Variants in ZBED6 observed in about 807,000 individuals in gnomAD.
ZBED6 encodes the protein zinc finger BED domain-containing protein 6.
Under a neutral mutation model 58.4 loss-of-function variants are expected in ZBED6, and 40 were observed. That is an observed-to-expected ratio of 0.68 (90% confidence interval 0.53 to 0.89). The LOEUF is 0.89. Ranked by LOEUF, ZBED6 falls within the 40% of genes least tolerant of loss-of-function variation. The pLI is 0.00. For missense variants in ZBED6, 1,057 were observed against 1,003.9 expected, an observed-to-expected ratio of 1.05 and a Z score of -0.71; for synonymous variants, 439 against 350.6, an observed-to-expected ratio of 1.25 and a Z score of -2.82.
intron 11 of ZBED6, among the ~76,000 whole-genome samples, chr1:203,844,305 G>C (rs953844650): frequency 6.6e-6 from 1 of 152,128 alleles, no homozygotes; most frequent in Non-Finnish European, 1.5e-5. Context: ...GGGATTACAG[G>C]CATGTGCAAT....
At position 203,806,528 on chromosome 1, in the gene ZBED6, C is replaced by G. The variant is rs542448138; in HGVS notation, c.*2554+3512C>G. On this transcript the variant is annotated intron_variant, in intron 1 of 16. Transcript: ENST00000550078. ...ATGTTGGCCAGGCTGGTCTTGAGCT[C>G]CTGGACTCAAGTGATCAGCCCACCT... Among the ~76,000 whole-genome samples, 32 of 152,242 alleles carry G rather than the reference C, an allele frequency of 2.1e-4. 1 individual carries two copies. Among genetic ancestry groups the G allele is most frequent in the Admixed American group, 3.9e-4 (6 of 15,298 alleles).
exon 1 of ZBED6, chr1:203,797,434 T>C: frequency 1.6e-6 from 2 of 1,238,288 alleles, no homozygotes; most frequent in Non-Finnish European, 2.1e-6. Context: ...GGAGAAAAGG[T>C]AATGCAAGTA....
chr1:203,828,684 A>T (rs1681329449), intron 4 of ZBED6, among the ~76,000 whole-genome samples: 1 of 152,224 alleles, frequency 6.6e-6, no homozygotes, highest in African/African-American at 2.4e-5. Flanking sequence ...AACGTTTTCA[A>T]AATAAATTTG....
At position 203,819,529 on chromosome 1, in the gene ZBED6, A is replaced by ATTTTTTTTTTTTTTTTT. The variant is rs755259647; in HGVS notation, c.*2873+846_*2873+862dup. Among the ~76,000 whole-genome samples the ATTTTTTTTTTTTTTTTT allele has an allele frequency of 1.6e-4, 12 of 72,878 alleles. 1 individual carries two copies. Among genetic ancestry groups the ATTTTTTTTTTTTTTTTT allele is most frequent in the African/African-American group, 4.6e-4 (8 of 17,410 alleles). 47.8% of individuals were successfully genotyped at this position (72,878 alleles called of 152,430 possible). A position where few individuals can be genotyped will look rare whatever the true frequency, so the allele number is the denominator to read the frequency against. The stretch of plus-strand genomic sequence containing the variant: ...GAGCCACCGTGCCCAGCTGACTCCA[A>ATTTTTTTTTTTTTTTTT]TTTTTTTTTTTTTTTTTTTTTTGAG... On this transcript the variant is annotated intron_variant, in intron 3 of 16. Coordinates refer to ENST00000550078, the Ensembl canonical transcript of ZBED6.
At chr1:203,842,608 G>A (rs1266066773) in intron 11 of ZBED6, among the ~76,000 whole-genome samples, 2 of 148,858 alleles carry the variant, frequency 1.3e-5, no homozygotes, top group African/African-American at 2.5e-5. Context: ...GGGGAGAGGG[G>A]GAGGGGGAGG....
chr1:203,850,004 G>C, exon 14 of ZBED6: 1 of 1,613,710 alleles, frequency 6.2e-7, no homozygotes, highest in Non-Finnish European at 8.5e-7. Flanking sequence ...GTGCAGCACA[G>C]ACCTTGGAAA....
At chr1:203,833,379 A>G (rs796517608) in intron 8 of ZBED6, among the ~76,000 whole-genome samples, 1 of 145,676 alleles carries the variant, frequency 6.9e-6, no homozygotes, top group African/African-American at 2.5e-5. Context: ...AAAAAAAAAA[A>G]AAAAACACCA....
chr1:203,797,893 A>G, exon 1 of ZBED6: 1 of 1,536,136 alleles, frequency 6.5e-7, no homozygotes, highest in Non-Finnish European at 8.7e-7. Flanking sequence ...AAACAGATCT[A>G]TCTACCTAGT....
chr1:203,801,817 ATT>A (rs34997581), exon 1 of ZBED6: 45,920 of 148,896 alleles, frequency 0.31, 7,646 homozygotes, highest in East Asian at 0.48. Flanking sequence ...TTTGGTTTTG[ATT>A]TTTTTTTTTT....
chr1:203,836,499 C>T (rs1207307662), intron 9 of ZBED6, among the ~76,000 whole-genome samples: 2 of 152,208 alleles, frequency 1.3e-5, no homozygotes, highest in Non-Finnish European at 2.9e-5. Flanking sequence ...CCTGTAATCC[C>T]AGCACTTTGA....
chr1:203,837,814 A>G (rs1408410773), intron 9 of ZBED6, 152 bp from the exon 10 acceptor site: 3 of 706,996 alleles, frequency 4.2e-6, no homozygotes, highest in Non-Finnish European at 7.0e-6. Flanking sequence ...TTATGTTTCT[A>G]ACATTGAACT....
intron 13 of ZBED6, 96 bp from the exon 14 acceptor site, chr1:203,849,615 G>A: frequency 8.6e-7 from 1 of 1,166,722 alleles, no homozygotes; most frequent in South Asian, 1.4e-5. Flanking sequence ...TGGATCATGT[G>A]AGATTCTGCT....
chr1:203,848,941 G>A (rs1361472039), intron 13 of ZBED6, among the ~76,000 whole-genome samples: 1 of 152,174 alleles, frequency 6.6e-6, no homozygotes, highest in Non-Finnish European at 1.5e-5. Context: ...CTGGAGTGCA[G>A]TGGCATGATC....
exon 1 of ZBED6, chr1:203,802,861 A>T (rs1012492541): frequency 6.6e-6 from 1 of 152,474 alleles, no homozygotes; most frequent in Non-Finnish European, 1.5e-5. Flanking sequence ...CTGTGTTTGA[A>T]TTGTGGCTGA....
At chr1:203,829,998 C>T (rs752554966) in intron 6 of ZBED6, 102 bp downstream of exon 6, 35 of 1,312,872 alleles carry the variant, frequency 2.7e-5, no homozygotes, top group African/African-American at 4.4e-5. Context: ...CCATGCTACA[C>T]GCATACTTAC....
intron 9 of ZBED6, among the ~76,000 whole-genome samples, chr1:203,834,781 C>G (rs1001381705): frequency 6.6e-6 from 1 of 152,156 alleles, no homozygotes; most frequent in Admixed American, 6.5e-5. Flanking sequence ...TCTCAAGTAG[C>G]TGGGATTACA....
At chr1:203,812,926 A>G (rs1054300381) in intron 1 of ZBED6, among the ~76,000 whole-genome samples, 1 of 152,170 alleles carries the variant, frequency 6.6e-6, no homozygotes, top group Non-Finnish European at 1.5e-5. Context: ...CTAATGATGC[A>G]TGATGTTGGG....
At chr1:203,846,012 C>T (rs549367936) in intron 11 of ZBED6, among the ~76,000 whole-genome samples, 12 of 149,636 alleles carry the variant, frequency 8.0e-5, no homozygotes, top group Non-Finnish European at 1.0e-4. Flanking sequence ...TATGGTGGCT[C>T]ACACCTGTAA....
At chr1:203,824,089 G>A (rs1352320245) in intron 3 of ZBED6, among the ~76,000 whole-genome samples, 3 of 152,012 alleles carry the variant, frequency 2.0e-5, no homozygotes, top group East Asian at 3.9e-4. Context: ...CCAACACAGT[G>A]AAACCCCGTC....
Sources: allele counts gnomAD v4.1 joint callset (sites outside exome capture counted in the v4.1 genomes callset), GRCh38; gene constraint gnomAD v4.1.1; transcripts MANE v1.5; gene names NCBI Gene and HGNC (gene_info 2026-07-23, HGNC 2026-07-21).